Variants in GRID2 observed in about 807,000 individuals in gnomAD.
The protein encoded by GRID2 is glutamate ionotropic receptor delta type subunit 2.
Under a neutral mutation model 114.8 loss-of-function variants are expected in GRID2, and 33 were observed. The observed-to-expected ratio is 0.29, with a 90% CI of 0.22 to 0.38. The LOEUF (loss-of-function observed/expected upper bound fraction) is 0.38, where lower values mean the gene tolerates loss of function less well. GRID2 is among the 10% of genes least tolerant of loss of function. GRID2 has a pLI of 1.00. For synonymous variants in GRID2, 505 were observed against 449.9 expected (o/e 1.12, Z -1.55); for missense variants, 1,184 against 1,257.7 (o/e 0.94, Z 0.89).
intron 14 of GRID2, among the ~76,000 whole-genome samples, chr4:93,672,379 G>A (rs963584690): frequency 1.3e-5 from 2 of 152,264 alleles, no homozygotes; most frequent in African/African-American, 4.8e-5. Context: ...CATGTCACGT[G>A]CATGTGGGCA....
intron 1 of GRID2, among the ~76,000 whole-genome samples, chr4:92,585,714 T>A (rs959545697): frequency 2.0e-5 from 3 of 151,900 alleles, no homozygotes; most frequent in Admixed American, 6.6e-5. Context: ...ACACATAATT[T>A]TTTCTCTACT....
chr4:93,050,246 A>G (rs1365770300), intron 2 of GRID2, among the ~76,000 whole-genome samples: 1 of 152,122 alleles, frequency 6.6e-6, no homozygotes, highest in Non-Finnish European at 1.5e-5. Context: ...CCAGTCAACC[A>G]TTAAATAAAA....
intron 2 of GRID2, among the ~76,000 whole-genome samples, chr4:92,648,292 G>T (rs1362336191): frequency 6.7e-6 from 1 of 149,378 alleles, no homozygotes; most frequent in Non-Finnish European, 1.5e-5. Flanking sequence ...GTGCATACGG[G>T]TGCATCCCCA....
At chr4:92,792,323 T>A (rs1369130763) in intron 2 of GRID2, among the ~76,000 whole-genome samples, 1 of 151,754 alleles carries the variant, frequency 6.6e-6, no homozygotes, top group Non-Finnish European at 1.5e-5. Flanking sequence ...ACGTTGCAGT[T>A]AGCTTTTGCC....
At chr4:92,711,410 T>G (rs1735242147) in intron 2 of GRID2, among the ~76,000 whole-genome samples, 1 of 152,176 alleles carries the variant, frequency 6.6e-6, no homozygotes, top group African/African-American at 2.4e-5. Flanking sequence ...GCAGAATCCA[T>G]TTCTTTGTGA....
At position 93,085,366 on chromosome 4, in the gene GRID2, T is replaced by C; in HGVS notation, c.529+87T>C. 4 of 979,940 alleles carry C rather than the reference T, an allele frequency of 4.1e-6. No homozygotes were observed. The South Asian group carries it at 6.1e-5, about 15-fold the overall frequency. The allele number at this position is 979,940 out of a possible 1,614,324, so 60.7% of individuals were successfully genotyped here. On this transcript the variant is annotated intron_variant, in intron 3 of 15. Transcript: ENST00000282020. ...TAAATCTTAAAAGTTTCAAGGGTCT[T>C]ACTCATTGTTATTTGTGGTTTTCTT... is the stretch of plus-strand genomic sequence containing the variant.
intron 4 of GRID2, among the ~76,000 whole-genome samples, chr4:93,115,315 G>T (rs1293154463): frequency 6.6e-6 from 1 of 151,072 alleles, no homozygotes; most frequent in Non-Finnish European, 1.5e-5. Flanking sequence ...GTTCAACAAG[G>T]TAATATCCTG....
chr4:92,636,461 A>G (rs6828016), intron 2 of GRID2, among the ~76,000 whole-genome samples: 16 of 152,174 alleles, frequency 1.1e-4, no homozygotes, highest in African/African-American at 3.9e-4. Context: ...ATTCAAAAAT[A>G]AAAAAGTTCC....
At chr4:92,696,439 T>C (rs1015323420) in intron 2 of GRID2, among the ~76,000 whole-genome samples, 4 of 152,182 alleles carry the variant, frequency 2.6e-5, no homozygotes, top group African/African-American at 7.2e-5. Flanking sequence ...TATTTCTATT[T>C]TAATTTTGAC....
intron 1 of GRID2, among the ~76,000 whole-genome samples, chr4:92,403,654 T>A (rs1730893824): frequency 6.6e-6 from 1 of 151,586 alleles, no homozygotes; most frequent in African/African-American, 2.4e-5. Flanking sequence ...ATTGCGCCAC[T>A]GTACTCCAGC....
chr4:93,049,059 A>C (rs1027434854), intron 2 of GRID2, among the ~76,000 whole-genome samples: 6 of 152,078 alleles, frequency 3.9e-5, no homozygotes, highest in African/African-American at 1.4e-4. Flanking sequence ...TTAGAAGGAC[A>C]AGTTAAACAG....
chr4:93,675,158 C>CGT (rs1193081576), intron 14 of GRID2, among the ~76,000 whole-genome samples: 1 of 151,960 alleles, frequency 6.6e-6, no homozygotes, highest in Non-Finnish European at 1.5e-5. Flanking sequence ...TCATATATTG[C>CGT]GTGTGTGTGT....
At chr4:92,762,277 T>C (rs1738055945) in intron 2 of GRID2, among the ~76,000 whole-genome samples, 1 of 152,062 alleles carries the variant, frequency 6.6e-6, no homozygotes, top group Non-Finnish European at 1.5e-5. Context: ...AATTTCTTAC[T>C]GATTAAATAT....
chr4:93,694,043 A>T (rs556404955), intron 14 of GRID2, among the ~76,000 whole-genome samples: 7 of 152,322 alleles, frequency 4.6e-5, no homozygotes, highest in African/African-American at 1.7e-4. Flanking sequence ...TTTAGTCAAA[A>T]GGTAGGAGAG....
At chr4:92,747,441 G>GCATT (rs1457999652) in intron 2 of GRID2, among the ~76,000 whole-genome samples, 2 of 152,038 alleles carry the variant, frequency 1.3e-5, no homozygotes, top group Non-Finnish European at 2.9e-5. Flanking sequence ...AGTAAAAGAT[G>GCATT]CATTATTCAG....
chr4:93,501,071 C>T (rs978279314), intron 12 of GRID2, among the ~76,000 whole-genome samples: 1 of 151,868 alleles, frequency 6.6e-6, no homozygotes, highest in African/African-American at 2.4e-5. Flanking sequence ...TGTGTGAGTA[C>T]TTAGTGGGTT....
chr4:92,352,509 T>G (rs1266875611), intron 1 of GRID2, among the ~76,000 whole-genome samples: 2 of 151,888 alleles, frequency 1.3e-5, no homozygotes, highest in African/African-American at 4.8e-5. Context: ...AGGCAGAGGA[T>G]TTTTAGTTTT....
intron 2 of GRID2, among the ~76,000 whole-genome samples, chr4:92,916,281 C>T: frequency 6.6e-6 from 1 of 152,110 alleles, no homozygotes; most frequent in South Asian, 2.1e-4. Flanking sequence ...CAATATTCTG[C>T]ATATGGCTAG....
chr4:92,778,216 C>T (rs914868546), intron 2 of GRID2, among the ~76,000 whole-genome samples: 1 of 152,012 alleles, frequency 6.6e-6, no homozygotes, highest in Non-Finnish European at 1.5e-5. Flanking sequence ...ACTTGATCCT[C>T]ATTTATACCT....
Sources: allele counts gnomAD v4.1 joint callset (sites outside exome capture counted in the v4.1 genomes callset), GRCh38; gene constraint gnomAD v4.1.1; transcripts MANE v1.5; gene names NCBI Gene and HGNC (gene_info 2026-07-23, HGNC 2026-07-21).